GNG4: variants seen among roughly 807,000 people sequenced by gnomAD.
GNG4 encodes the protein guanine nucleotide-binding protein G(I)/G(S)/G(O) subunit gamma-4.
A neutral mutation model predicts 5.8 loss-of-function variants in GNG4; 4 were observed. That is an observed-to-expected ratio of 0.69 (90% CI 0.34 to 1.57). The LOEUF (loss-of-function observed/expected upper bound fraction) is 1.57. Among genes scored for constraint, GNG4 ranks in the 40% most tolerant of loss-of-function variants. GNG4 has a pLI of 0.06. For missense variants in GNG4, 96 were observed against 95.1 expected, an observed-to-expected ratio of 1.01 and a Z score of -0.04; for synonymous variants, 29 against 32.9, an observed-to-expected ratio of 0.88 and a Z score of 0.41.
intron 2 of GNG4, among the ~76,000 whole-genome samples, chr1:235,588,501 T>C (rs1180280152): frequency 2.6e-5 from 4 of 152,176 alleles, no homozygotes; most frequent in African/African-American, 9.7e-5. Flanking sequence ...TCTGCTTCTC[T>C]GGCCCTTTCC....
intron 1 of GNG4, among the ~76,000 whole-genome samples, chr1:235,626,958 CAAAAAAAAAAAAAAAAAAAAAAAA>C (rs776506587): frequency 4.0e-4 from 31 of 77,392 alleles, no homozygotes; most frequent in Middle Eastern, 6.6e-3. Flanking sequence ...GACTCTATCT[CAAAAAAAAAAAAAAAAAAAAAAAA>C]AAAAAAAAAA....
chr1:235,574,717 C>T (rs143678641), intron 3 of GNG4, among the ~76,000 whole-genome samples: 215 of 150,692 alleles, frequency 1.4e-3, no homozygotes, highest in African/African-American at 4.9e-3. Context: ...CCAAATTATA[C>T]CCTTTTAAAA....
At chr1:235,576,167 T>A (rs1477470399) in intron 3 of GNG4, among the ~76,000 whole-genome samples, 1 of 151,264 alleles carries the variant, frequency 6.6e-6, no homozygotes, top group Admixed American at 6.6e-5. Context: ...TTCAAGCGAT[T>A]CCCTTGCCTC....
intron 2 of GNG4, among the ~76,000 whole-genome samples, chr1:235,587,145 AGT>A (rs1009263380): frequency 7.7e-4 from 108 of 140,070 alleles, no homozygotes; most frequent in African/African-American, 2.9e-3. Context: ...AGTGTGTGAA[AGT>A]GTGGGGTGGG....
At chr1:235,645,667 C>T (rs1657485056) in intron 1 of GNG4, among the ~76,000 whole-genome samples, 1 of 151,940 alleles carries the variant, frequency 6.6e-6, no homozygotes, top group Non-Finnish European at 1.5e-5. Flanking sequence ...CGCGGTGGCA[C>T]ATGCCTGTAA....
intron 1 of GNG4, among the ~76,000 whole-genome samples, chr1:235,608,082 C>T (rs1293465644): frequency 9.9e-5 from 15 of 151,914 alleles, no homozygotes; most frequent in African/African-American, 3.6e-4. Flanking sequence ...GGACTACAGG[C>T]GCACGCCACC....
At chr1:235,613,521 G>A (rs555599682) in intron 1 of GNG4, among the ~76,000 whole-genome samples, 2 of 152,176 alleles carry the variant, frequency 1.3e-5, no homozygotes, top group Admixed American at 1.3e-4. Flanking sequence ...AGTGAGGCAG[G>A]AGAGTCGGTG....
At chr1:235,624,198 G>A (rs1042911048) in intron 1 of GNG4, among the ~76,000 whole-genome samples, 3 of 151,772 alleles carry the variant, frequency 2.0e-5, no homozygotes, top group African/African-American at 7.3e-5. Flanking sequence ...TGCCTCCTGG[G>A]TGCAAGCAAT....
intron 3 of GNG4, among the ~76,000 whole-genome samples, chr1:235,571,869 A>C (rs1164952198): frequency 6.6e-6 from 1 of 152,102 alleles, no homozygotes; most frequent in Non-Finnish European, 1.5e-5. Context: ...ACAGGGTCTC[A>C]CTCTCTCATC....
chr1:235,613,343 A>G lies in GNG4; in HGVS notation c.-122-17832T>C, dbSNP rs549945072. On this transcript the variant is annotated intron_variant, in intron 1 of 3. Transcript: ENST00000391854. ...GAGGCAGGCAGAATAATGGCTTCCC[A>G]AAGTTATCTGTGTCCTACTCCCCAG... is the stretch of plus-strand genomic sequence containing the variant. Among the ~76,000 whole-genome samples the G allele has an allele frequency of 1.1e-3, 162 of 152,316 alleles. 3 individuals are homozygous for G. The South Asian group carries it at 0.032, about 30-fold the overall frequency.
upstream of GNG4, among the ~76,000 whole-genome samples, chr1:235,650,201 C>A (rs1657640997): frequency 1.2e-5 from 1 of 81,332 alleles, no homozygotes; most frequent in Non-Finnish European, 2.6e-5. Flanking sequence ...CCCCCCGGAG[C>A]CCGCGTGGCC....
chr1:235,623,138 G>A (rs1391172567), intron 1 of GNG4, among the ~76,000 whole-genome samples: 1 of 152,022 alleles, frequency 6.6e-6, no homozygotes, highest in Non-Finnish European at 1.5e-5. Flanking sequence ...ACCTTTTCCT[G>A]TTTCCCTGAC....
chr1:235,595,917 G>A (rs1022524647), intron 1 of GNG4, among the ~76,000 whole-genome samples: 8 of 152,120 alleles, frequency 5.3e-5, no homozygotes, highest in Admixed American at 4.6e-4. Flanking sequence ...GCTCATGCCT[G>A]TAATCCCAGC....
intron 3 of GNG4, among the ~76,000 whole-genome samples, chr1:235,578,776 G>A (rs980258365): frequency 3.9e-5 from 6 of 152,110 alleles, no homozygotes; most frequent in Non-Finnish European, 7.3e-5. Flanking sequence ...GTGGGGTGGT[G>A]AGATTAGAGA....
At chr1:235,578,397 A>G (rs545025471) in intron 3 of GNG4, among the ~76,000 whole-genome samples, 20 of 152,336 alleles carry the variant, frequency 1.3e-4, no homozygotes, top group African/African-American at 4.8e-4. Flanking sequence ...TAGAACTACC[A>G]TAGGATCCAG....
chr1:235,568,094 G>C (rs1345481910), intron 3 of GNG4, among the ~76,000 whole-genome samples: 2 of 151,558 alleles, frequency 1.3e-5, no homozygotes, highest in East Asian at 3.9e-4. Flanking sequence ...TTTGGAGACA[G>C]TCCCTTTTCT....
At chr1:235,612,841 C>A (rs1434629872) in intron 1 of GNG4, among the ~76,000 whole-genome samples, 1 of 152,100 alleles carries the variant, frequency 6.6e-6, no homozygotes, top group Non-Finnish European at 1.5e-5. Flanking sequence ...TTTTAAACTA[C>A]AAAATTTATT....
chr1:235,636,468 T>C (rs1037264753), intron 1 of GNG4, among the ~76,000 whole-genome samples: 3 of 152,176 alleles, frequency 2.0e-5, no homozygotes, highest in African/African-American at 7.2e-5. Flanking sequence ...GCAGCAGGCC[T>C]GCATTCCCTC....
At chr1:235,562,343 A>G (rs996731294) in intron 3 of GNG4, among the ~76,000 whole-genome samples, 6 of 152,108 alleles carry the variant, frequency 3.9e-5, no homozygotes, top group African/African-American at 1.4e-4. Flanking sequence ...TATCCACAAG[A>G]TAAGATTTGC....
Sources: gnomAD v4.1 joint callset for allele counts (sites outside exome capture counted in the v4.1 genomes callset) on GRCh38, gnomAD v4.1.1 for gene constraint, MANE v1.5 for transcripts, NCBI Gene and HGNC (gene_info 2026-07-23, HGNC 2026-07-21) for gene names.